Variants in SETD2 observed in about 807,000 individuals in gnomAD.
The protein encoded by SETD2 is SET domain containing 2, histone lysine methyltransferase, also known as histone-lysine N-methyltransferase SETD2.
In SETD2, 31 loss-of-function variants were observed where a neutral mutation model predicts 242.1. The ratio of observed to expected loss-of-function variants is 0.13; its 90% CI spans 0.10 to 0.17. The LOEUF (loss-of-function observed/expected upper bound fraction) is 0.17, where lower values mean the gene tolerates loss of function less well. SETD2 is among the 10% of genes least tolerant of loss of function. SETD2 has a pLI of 1.00. For synonymous variants in SETD2, 1,006 were observed against 1,066.5 expected (o/e 0.94, Z 1.11); for missense variants, 2,481 against 3,046.3 (o/e 0.81, Z 4.37).
chr3:47,028,663 C>T (rs1234299944), intron 18 of SETD2, among the ~76,000 whole-genome samples: 1 of 152,216 alleles, frequency 6.6e-6, no homozygotes, highest in Non-Finnish European at 1.5e-5. Context: ...CAGTGTTCAA[C>T]TGAAAATAGC....
intron 1 of SETD2, among the ~76,000 whole-genome samples, chr3:47,148,883 G>A (rs754206712): frequency 5.3e-5 from 8 of 152,162 alleles, no homozygotes; most frequent in East Asian, 1.9e-4. Flanking sequence ...AGTTTCATAC[G>A]GGATTAAGCT....
At chr3:47,090,252 C>T (rs2041742836) in intron 9 of SETD2, among the ~76,000 whole-genome samples, 1 of 150,858 alleles carries the variant, frequency 6.6e-6, no homozygotes, top group South Asian at 2.1e-4. Context: ...TTCTCAAAAA[C>T]AAACAAACAA....
At chr3:47,142,238 G>A (rs544283945) in intron 1 of SETD2, among the ~76,000 whole-genome samples, 2 of 152,204 alleles carry the variant, frequency 1.3e-5, no homozygotes, top group South Asian at 2.1e-4. Flanking sequence ...GGACGTGGTA[G>A]CTCCCCCATC....
chr3:47,052,311 A>G (rs893651803), intron 15 of SETD2, among the ~76,000 whole-genome samples: 4 of 152,112 alleles, frequency 2.6e-5, no homozygotes, highest in African/African-American at 7.2e-5. Context: ...AGCTGGGACC[A>G]CAGGCATGTG....
intron 4 of SETD2, among the ~76,000 whole-genome samples, chr3:47,115,464 T>C (rs1001848978): frequency 1.3e-5 from 2 of 152,142 alleles, no homozygotes; most frequent in Non-Finnish European, 2.9e-5. Flanking sequence ...CTAGTTTGGA[T>C]AAAAGAATAC....
intron 12 of SETD2, among the ~76,000 whole-genome samples, chr3:47,069,767 T>C (rs1220059380): frequency 6.6e-6 from 1 of 152,120 alleles, no homozygotes; most frequent in Non-Finnish European, 1.5e-5. Context: ...TAATACTGAA[T>C]CAGGAATAAA....
chr3:47,126,315 T>C (rs2043326645), intron 2 of SETD2, among the ~76,000 whole-genome samples: 1 of 152,218 alleles, frequency 6.6e-6, no homozygotes, highest in African/African-American at 2.4e-5. Flanking sequence ...AGCCAAATAC[T>C]TTTAAGAAAC....
chr3:47,017,293 C>T lies in SETD2; in HGVS notation c.7534-39G>A, dbSNP rs764413274. The T allele has an allele frequency of 1.9e-6, 3 of 1,609,954 alleles. No homozygotes were observed. In the Admixed American group the frequency reaches 5.0e-5, roughly 27 times the overall value. On this transcript the variant is annotated intron_variant, in intron 20 of 20. Coordinates refer to ENST00000409792, the MANE Select transcript of SETD2 (RefSeq NM_014159.7). The surrounding 1 kb of genome is among the most constrained non-coding windows in gnomAD (Gnocchi z 4.8). The stretch of plus-strand genomic sequence containing the variant: ...AGGAAGAGAGACCACAGCCACCAAT[C>T]AGAGCAGAAATTATATGAGGGGGAG...
Position 47,124,531 on chromosome 3 carries a change from C to T in SETD2, c.105G>A (p.Val35=), listed in dbSNP as rs2043248788. The T allele has an allele frequency of 1.3e-6, 2 of 1,542,394 alleles. No homozygotes were observed. The highest frequency in any genetic ancestry group is 1.8e-6 in the Non-Finnish European group (2 of 1,141,730). ...GTCCTTTGATGAAACCTGTTTTCTG[C>T]ACATTTTCAATCTTTGCCTACAAAT... ...EEENEAKIEN[V]QKTGFIKGPM... The change falls in exon 3 of 21, where the codon GTG becomes GTA. Residue 35 remains valine, a synonymous_variant. Coordinates refer to ENST00000409792, the MANE Select transcript of SETD2 (RefSeq NM_014159.7).
rs1315789205 is a variant in SETD2 at position 47,123,479 on chromosome 3, T to C, written c.1157A>G (p.Asp386Gly). Residue 386 changes from aspartate to glycine, a missense_variant, in exon 3 of 21, where the codon GAT becomes GGT. Around this residue, in one of 17 missense-constraint regions of SETD2, gnomAD observed 1,300 missense variants for 1,259.2 expected, o/e 1.03. Coordinates refer to ENST00000409792, the MANE Select transcript of SETD2 (RefSeq NM_014159.7). Reference protein sequence around the residue: ...KYFSYSKLERDTRYVSSRCRS... With the variant: ...KYFSYSKLERGTRYVSSRCRS... ...ACATCGGGAAGATACATACCGAGTA[T>C]CTCTTTCAAGTTTTGAATAGCTAAA... 5 of 1,551,260 alleles carry C rather than the reference T, an allele frequency of 3.2e-6. No individual in the cohort carries two copies. Among genetic ancestry groups the C allele is most frequent in the Non-Finnish European group, 4.4e-6 (5 of 1,146,930 alleles).
rs2043021122 is a variant in SETD2 at position 47,120,322 on chromosome 3, C to T, written c.4314G>A (p.Val1438=). Residue 1438 remains valine (V), a synonymous_variant, in exon 3 of 21, where the codon GTG becomes GTA. Transcript: ENST00000409792. ...RVEVEQGETS[V]PPGSALVGPS... ...GCCCAACCAGTGCTGAACCTGGGGGCACTGATGTCTCTCCCTGCTCTACCT... is the reference window on the plus strand; with the variant it reads ...GCCCAACCAGTGCTGAACCTGGGGGTACTGATGTCTCTCCCTGCTCTACCT... 1 of 1,613,938 alleles carries T rather than the reference C, an allele frequency of 6.2e-7. No individual in the cohort carries two copies. Among genetic ancestry groups the T allele is most frequent in the Non-Finnish European group, 8.5e-7 (1 of 1,179,946 alleles).
chr3:47,080,653 T>A (rs1559698121), intron 12 of SETD2: 1 of 314,900 alleles, frequency 3.2e-6, no homozygotes, highest in Non-Finnish European at 4.6e-6. Context: ...GCCTAGTAAA[T>A]TTTCACATGA....
rs118034435 is a variant in SETD2 at position 47,145,079 on chromosome 3, A to T, written c.72-18416T>A. On this transcript the variant is annotated intron_variant, in intron 1 of 20. Transcript: ENST00000409792. ...AAGTACGCAGCTGGTTTTCATGCCT[A>T]CATCTACAGAGGTGAGAACACTGAA... Among the ~76,000 whole-genome samples, 48 of 152,368 alleles carry T rather than the reference A, an allele frequency of 3.2e-4. 1 individual carries two copies. The East Asian group carries it at 8.7e-3, about 27-fold the overall frequency.
rs778127046 is a variant in SETD2, at chr3:47,121,345, A to G, written c.3291T>C (p.Tyr1097=). The G allele has an allele frequency of 6.2e-7, 1 of 1,610,344 alleles. No homozygotes were observed. The highest frequency in any genetic ancestry group is 1.1e-5 in the South Asian group (1 of 91,084). Residue 1097 remains tyrosine, a synonymous_variant, in exon 3 of 21, where the codon TAT becomes TAC. Transcript: ENST00000409792. ...ATCTCTCATCTTCCCAATGGTCAGA[A>G]TAGTGTCTATAACTTTGACTGCTCC... ...SSRSSQSYRH[Y]SDHWEDERLE...
At chr3:47,157,670 T>A (rs2044157063) in intron 1 of SETD2, 1 of 397,362 alleles carries the variant, frequency 2.5e-6, no homozygotes, top group South Asian at 1.8e-5. Context: ...GGTCAGGAGT[T>A]CGAGACCAGC....
At chr3:47,126,617 A>G (rs1199257282) in intron 2 of SETD2, 31 bp downstream of exon 2, 2 of 1,206,254 alleles carry the variant, frequency 1.7e-6, no homozygotes, top group Middle Eastern at 3.8e-4. Context: ...CCATCTCATA[A>G]TCATTGAATG....
chr3:47,091,693 G>A (rs2041811990), intron 9 of SETD2, among the ~76,000 whole-genome samples: 1 of 152,200 alleles, frequency 6.6e-6, no homozygotes, highest in South Asian at 2.1e-4. Flanking sequence ...AGCGCGGGAG[G>A]CGGAGGTTAC....
At chr3:47,159,333 T>C (rs1397561708) in intron 1 of SETD2, among the ~76,000 whole-genome samples, 4 of 152,170 alleles carry the variant, frequency 2.6e-5, no homozygotes, top group Non-Finnish European at 5.9e-5. Context: ...CTCCTCCTAA[T>C]CTAGTCCTCA....
intron 15 of SETD2, chr3:47,046,848 G>C: frequency 3.7e-6 from 1 of 272,196 alleles, no homozygotes; most frequent in Non-Finnish European, 6.8e-6. Context: ...TTTATCATAA[G>C]AAAATAAAAG....
Sources: allele counts gnomAD v4.1 joint callset (sites outside exome capture counted in the v4.1 genomes callset), GRCh38; gene constraint gnomAD v4.1.1; regional missense constraint gnomAD v4.1.1; non-coding constraint Gnocchi (gnomAD v3.1); transcripts MANE v1.5; gene names NCBI Gene and HGNC (gene_info 2026-07-23, HGNC 2026-07-21).